Variants in TEX2 observed in about 807,000 individuals in gnomAD.
The protein encoded by TEX2 is testis expressed 2.
TEX2 carries 53 observed loss-of-function variants against 106.9 expected under a neutral mutation model. The observed-to-expected ratio is 0.50, with a 90% CI of 0.40 to 0.62. The LOEUF (loss-of-function observed/expected upper bound fraction) is 0.62. Ranked by LOEUF, TEX2 falls within the 20% of genes least tolerant of loss-of-function variation. TEX2 has a pLI of 0.00. For missense variants in TEX2, 1,207 were observed against 1,379.0 expected (o/e 0.88, Z 1.98); for synonymous variants, 523 against 534.8 (o/e 0.98, Z 0.30).
chr17:64,169,773 C>G (rs1389313760), intron 7 of TEX2, among the ~76,000 whole-genome samples: 1 of 152,200 alleles, frequency 6.6e-6, no homozygotes, highest in Admixed American at 6.5e-5. Context: ...CCATGCTCTA[C>G]AAATTTTATA....
intron 5 of TEX2, among the ~76,000 whole-genome samples, chr17:64,178,096 C>A (rs1051362893): frequency 1.6e-4 from 25 of 152,350 alleles, no homozygotes; most frequent in African/African-American, 6.0e-4. Context: ...GCTCTCAGGG[C>A]TTCCATGAAA....
chr17:64,167,819 C>CA (rs980647381), intron 7 of TEX2, among the ~76,000 whole-genome samples: 49 of 145,752 alleles, frequency 3.4e-4, no homozygotes, highest in African/African-American at 8.0e-4. Context: ...AACTCCATCT[C>CA]AAAAAAAAAA....
chr17:64,160,891 AG>A lies in TEX2; in HGVS notation c.2713del (p.Leu905Ter). The A allele has an allele frequency of 6.2e-7, 1 of 1,614,248 alleles. No individual in the cohort carries two copies. The highest frequency in any genetic ancestry group is 8.5e-7 in the Non-Finnish European group (1 of 1,180,032). Reference protein sequence around the residue: ...DLEMSYNGSFLMTLETKMNLT... With the variant: ...DLEMSYNGSFXMTLETKMNLT... The stretch of plus-strand genomic sequence containing the variant: ...ATTCATTTTGGTCTCGAGAGTCATC[AG>A]AAAGGACCCATTGTAGGACATTTCC... On this transcript the variant is annotated frameshift_variant, in exon 8 of 12. Transcript: ENST00000584379. LOFTEE classifies it high-confidence loss of function.
intron 1 of TEX2, among the ~76,000 whole-genome samples, chr17:64,216,515 A>AT (rs1271088533): frequency 1.3e-5 from 2 of 152,214 alleles, no homozygotes; most frequent in African/African-American, 4.8e-5. Context: ...AAAGTGCATG[A>AT]TTTTGAGGTT....
At chr17:64,212,419 T>C (rs1268026872) in intron 2 of TEX2, among the ~76,000 whole-genome samples, 155 bp downstream of exon 2, 1 of 152,146 alleles carries the variant, frequency 6.6e-6, no homozygotes, top group Non-Finnish European at 1.5e-5. Context: ...ACCAGATGAG[T>C]TGACTGGGTG....
At chr17:64,184,389 A>G (rs904612443) in intron 5 of TEX2, among the ~76,000 whole-genome samples, 14 of 152,194 alleles carry the variant, frequency 9.2e-5, no homozygotes, top group Admixed American at 5.9e-4. Context: ...GGCGTGAGCC[A>G]CTGCACCCAG....
At chr17:64,212,251 C>G (rs1555631635) in intron 2 of TEX2, among the ~76,000 whole-genome samples, 2 of 152,194 alleles carry the variant, frequency 1.3e-5, no homozygotes, top group African/African-American at 4.8e-5. Context: ...TGAACCCTAA[C>G]AGACTCAGCC....
At chr17:64,180,483 G>A (rs2031809612) in intron 5 of TEX2, among the ~76,000 whole-genome samples, 1 of 152,160 alleles carries the variant, frequency 6.6e-6, no homozygotes, top group Non-Finnish European at 1.5e-5. Flanking sequence ...AAAAATTCCA[G>A]AGCAGAACAT....
At chr17:64,186,818 C>A (rs1002896593) in intron 5 of TEX2, among the ~76,000 whole-genome samples, 2 of 149,022 alleles carry the variant, frequency 1.3e-5, no homozygotes, top group Non-Finnish European at 3.0e-5. Context: ...ACTGCGAGAC[C>A]TTGTCTCAAA....
rs568864852 is a variant in TEX2 at position 64,217,587 on chromosome 17, G to A, written c.-25-3345C>T. Among the ~76,000 whole-genome samples the A allele has an allele frequency of 1.3e-5, 2 of 152,110 alleles. No homozygotes were observed. The highest frequency in any genetic ancestry group is 2.4e-5 in the African/African-American group (1 of 41,396). ...CTCAACCAGCAGCATGTGACTGGCC[G>A]CACTGAGAAATGAAAGGTCTCATTA... On this transcript the variant is annotated intron_variant, in intron 1 of 11. Coordinates refer to ENST00000584379, the MANE Select transcript of TEX2 (RefSeq NM_001288732.2). This position sits in a 1 kb window ranked among gnomAD's most constrained non-coding sequence, Gnocchi z 4.3.
chr17:64,164,407 T>C (rs2143684327), intron 7 of TEX2, among the ~76,000 whole-genome samples: 1 of 151,218 alleles, frequency 6.6e-6, no homozygotes, highest in Admixed American at 6.6e-5. Flanking sequence ...TACTGCACTC[T>C]AGCCTCTGTC....
intron 7 of TEX2, among the ~76,000 whole-genome samples, chr17:64,167,456 T>C (rs2031188548): frequency 6.6e-6 from 1 of 152,140 alleles, no homozygotes; most frequent in South Asian, 2.1e-4. Flanking sequence ...CTCCAGATGC[T>C]GTTCTAGTGC....
intron 1 of TEX2, among the ~76,000 whole-genome samples, chr17:64,221,213 C>G (rs2033350444): frequency 6.6e-6 from 1 of 151,942 alleles, no homozygotes; most frequent in Non-Finnish European, 1.5e-5. Flanking sequence ...GGGCAGGGGG[C>G]AGGAAGAGGG....
chr17:64,153,137 C>T lies in TEX2; in HGVS notation c.2948G>A (p.Arg983Gln), dbSNP rs754418388. The T allele has an allele frequency of 2.5e-6, 4 of 1,613,496 alleles. No individual in the cohort carries two copies. Among genetic ancestry groups the T allele is most frequent in the East Asian group, 2.2e-5 (1 of 44,902 alleles). Residue 983 changes from arginine to glutamine, a missense_variant, in exon 10 of 12, where the codon CGA (arginine) becomes CAA (glutamine). Transcript: ENST00000584379. The surrounding 1 kb of genome is among the most constrained non-coding windows in gnomAD (Gnocchi z 4.1). The part of the protein sequence containing the change: ...PGAEGYVGGH[R>Q]TSKIMRFVDK... Reference sequence around the variant, plus strand: ...AACAAACCTCATAATCTTACTTGTTCGATGACCTCCAACGTACCTTCAAAT... The same window carrying T: ...AACAAACCTCATAATCTTACTTGTTTGATGACCTCCAACGTACCTTCAAAT...
At chr17:64,199,351 C>T (rs2032582988) in intron 2 of TEX2, among the ~76,000 whole-genome samples, 1 of 152,156 alleles carries the variant, frequency 6.6e-6, no homozygotes, top group African/African-American at 2.4e-5. Flanking sequence ...ATTCTCCTGC[C>T]TCAGTCTCCT....
chr17:64,254,950 T>C (rs1567971877), intron 1 of TEX2, among the ~76,000 whole-genome samples: 1 of 151,996 alleles, frequency 6.6e-6, no homozygotes, highest in Non-Finnish European at 1.5e-5. Context: ...CAGCCTTGAA[T>C]TCCCAGGCTT....
intron 8 of TEX2, chr17:64,155,789 G>T (rs1336926561): frequency 6.6e-6 from 1 of 152,262 alleles, no homozygotes; most frequent in African/African-American, 2.4e-5. Flanking sequence ...GAGGTGAGGG[G>T]TCCAGTTCCC....
intron 5 of TEX2, among the ~76,000 whole-genome samples, chr17:64,181,768 G>C (rs1010454173): frequency 6.6e-6 from 1 of 150,682 alleles, no homozygotes; most frequent in East Asian, 1.9e-4. Context: ...TGCCTGCCTC[G>C]GCCTCCCAAA....
At chr17:64,183,792 A>ATTAT (rs1000876960) in intron 5 of TEX2, among the ~76,000 whole-genome samples, 3 of 148,966 alleles carry the variant, frequency 2.0e-5, no homozygotes, top group East Asian at 1.9e-4. Flanking sequence ...AAAAATTTTT[A>ATTAT]TTATTTATTT....
Sources: allele counts gnomAD v4.1 joint callset (sites outside exome capture counted in the v4.1 genomes callset), GRCh38; gene constraint gnomAD v4.1.1; non-coding constraint Gnocchi (gnomAD v3.1); transcripts MANE v1.5; gene names NCBI Gene and HGNC (gene_info 2026-07-23, HGNC 2026-07-21).